POU6F2: variants seen among roughly 807,000 people sequenced by gnomAD.
POU6F2 encodes POU class 6 homeobox 2.
Under a neutral mutation model 71.3 loss-of-function variants are expected in POU6F2, and 31 were observed. The observed-to-expected ratio is 0.43, with a 90% confidence interval of 0.33 to 0.59. The LOEUF is 0.59. Ranked by LOEUF, POU6F2 falls within the 20% of genes least tolerant of loss-of-function variation. The pLI is 0.04. For missense variants in POU6F2, 783 were observed against 856.8 expected (o/e 0.91, Z 1.07); for synonymous variants, 347 against 355.7 (o/e 0.98, Z 0.27).
intron 2 of POU6F2, among the ~76,000 whole-genome samples, chr7:39,094,981 C>T (rs1791426424): frequency 6.6e-6 from 1 of 152,020 alleles, no homozygotes; most frequent in Non-Finnish European, 1.5e-5. Context: ...AGAAATGTGT[C>T]AGAAAGGACG....
At chr7:39,278,325 G>A (rs568082162) in intron 4 of POU6F2, among the ~76,000 whole-genome samples, 16 of 152,220 alleles carry the variant, frequency 1.1e-4, no homozygotes, top group African/African-American at 3.1e-4. Context: ...ACAAACCAAT[G>A]GCATTGAGCC....
At chr7:39,413,993 G>T (rs1169844441) in intron 6 of POU6F2, among the ~76,000 whole-genome samples, 1 of 152,104 alleles carries the variant, frequency 6.6e-6, no homozygotes, top group Admixed American at 6.5e-5. Flanking sequence ...GGGCAGCGCC[G>T]CGCAGCCGTC....
intron 2 of POU6F2, among the ~76,000 whole-genome samples, chr7:39,138,913 G>T (rs1163045762): frequency 6.6e-6 from 1 of 151,942 alleles, no homozygotes; most frequent in Non-Finnish European, 1.5e-5. Flanking sequence ...ACCTCCTCTT[G>T]CTTGAACCTA....
At chr7:39,211,659 T>G (rs565780946) in intron 4 of POU6F2, among the ~76,000 whole-genome samples, 2 of 152,254 alleles carry the variant, frequency 1.3e-5, no homozygotes, top group South Asian at 4.2e-4. Flanking sequence ...TTGTAAGGAG[T>G]TAGACATCTT....
intron 1 of POU6F2, chr7:39,006,725 C>T (rs1789083064): frequency 1.1e-6 from 1 of 929,904 alleles, no homozygotes; most frequent in Non-Finnish European, 1.8e-6. Context: ...GCAATGTCAT[C>T]ATTTAAATAA....
chr7:39,138,286 T>C (rs1792426343), intron 2 of POU6F2, among the ~76,000 whole-genome samples: 1 of 152,192 alleles, frequency 6.6e-6, no homozygotes, highest in East Asian at 1.9e-4. Context: ...ATAATACATA[T>C]ATCACCAAGA....
intron 1 of POU6F2, chr7:39,006,935 A>C: frequency 1.4e-6 from 2 of 1,474,944 alleles, no homozygotes; most frequent in South Asian, 1.1e-5. Context: ...CTGTGAGTTT[A>C]TTGTATAAAA....
chr7:39,087,118 G>A (rs950197556), intron 2 of POU6F2, among the ~76,000 whole-genome samples: 1 of 149,850 alleles, frequency 6.7e-6, no homozygotes, highest in Admixed American at 6.7e-5. Flanking sequence ...AAGAAAGTCA[G>A]CAATTCGGCT....
intron 5 of POU6F2, among the ~76,000 whole-genome samples, chr7:39,401,667 C>T (rs1172225194): frequency 1.3e-5 from 2 of 152,132 alleles, no homozygotes; most frequent in East Asian, 3.9e-4. Context: ...TGCATTTGCC[C>T]TGCTGTTTCT....
chr7:39,275,770 T>G (rs1335459376), intron 4 of POU6F2, among the ~76,000 whole-genome samples: 1 of 151,906 alleles, frequency 6.6e-6, no homozygotes, highest in Non-Finnish European at 1.5e-5. Flanking sequence ...TATCTGATCT[T>G]TGACAAACCT....
chr7:39,259,365 A>T (rs1171095439), intron 4 of POU6F2, among the ~76,000 whole-genome samples: 1 of 152,210 alleles, frequency 6.6e-6, no homozygotes, highest in Non-Finnish European at 1.5e-5. Flanking sequence ...TTGGAAACAG[A>T]TCATCCCCCT....
intron 2 of POU6F2, 46 bp from the exon 3 acceptor site, chr7:39,204,189 C>T (rs750571433): frequency 6.5e-7 from 1 of 1,533,500 alleles, no homozygotes; most frequent in Middle Eastern, 1.7e-4. Flanking sequence ...CATCAGTTCC[C>T]AAGCTGGATC....
intron 4 of POU6F2, among the ~76,000 whole-genome samples, chr7:39,308,608 T>C (rs6462908): frequency 0.69 from 104,258 of 152,040 alleles, 35,783 homozygotes; most frequent in Admixed American, 0.77. Context: ...AGAACATTAT[T>C]CTCAAAAACA....
At chr7:39,235,058 G>T (rs1242619709) in intron 4 of POU6F2, among the ~76,000 whole-genome samples, 1 of 152,182 alleles carries the variant, frequency 6.6e-6, no homozygotes. Flanking sequence ...TCTTTAGGAT[G>T]CTAAACTCTA....
At chr7:38,984,210 A>G (rs1788405136) in intron 1 of POU6F2, 1 of 152,146 alleles carries the variant, frequency 6.6e-6, no homozygotes, top group African/African-American at 2.4e-5. Flanking sequence ...AGGGTCAAAG[A>G]TGCAAATAAA....
intron 5 of POU6F2, among the ~76,000 whole-genome samples, chr7:39,398,403 A>G (rs919661072): frequency 1.3e-5 from 2 of 152,120 alleles, no homozygotes; most frequent in Non-Finnish European, 2.9e-5. Flanking sequence ...AAAAAAAAAA[A>G]AAAAGTCTAA....
chr7:39,157,178 G>T (rs1792887726), intron 2 of POU6F2, among the ~76,000 whole-genome samples: 1 of 152,104 alleles, frequency 6.6e-6, no homozygotes, highest in South Asian at 2.1e-4. Context: ...TTAAGGCCTG[G>T]TGCATATAAT....
At chr7:39,012,693 A>G (rs1789330396) in intron 1 of POU6F2, among the ~76,000 whole-genome samples, 1 of 151,778 alleles carries the variant, frequency 6.6e-6, no homozygotes, top group African/African-American at 2.4e-5. Flanking sequence ...TGATGTACAG[A>G]TGGGTTTTTG....
At chr7:39,402,539 C>T (rs1055028862) in intron 5 of POU6F2, among the ~76,000 whole-genome samples, 1 of 151,958 alleles carries the variant, frequency 6.6e-6, no homozygotes, top group Non-Finnish European at 1.5e-5. Context: ...GGAAACCTAA[C>T]GAATGTTGCA....
Sources: gnomAD v4.1 joint callset for allele counts (sites outside exome capture counted in the v4.1 genomes callset) on GRCh38, gnomAD v4.1.1 for gene constraint, MANE v1.5 for transcripts, NCBI Gene and HGNC (gene_info 2026-07-23, HGNC 2026-07-21) for gene names.